The following GRIK2 variants were observed in gnomAD, a reference collection of about 807,000 sequenced individuals.
The protein encoded by GRIK2 is glutamate ionotropic receptor kainate type subunit 2, also known as glutamate receptor ionotropic, kainate 2.
GRIK2 carries 32 observed loss-of-function variants against 100.3 expected under a neutral mutation model. The ratio of observed to expected loss-of-function variants is 0.32; its 90% CI spans 0.24 to 0.43. The LOEUF is 0.43. Ranked by LOEUF, GRIK2 falls within the 20% of genes least tolerant of loss-of-function variation. The pLI is 1.00. For missense variants in GRIK2, 843 were observed against 1,114.9 expected (o/e 0.76, Z 3.47); for synonymous variants, 417 against 389.4 (o/e 1.07, Z -0.83).
chr6:101,525,364 A>G (rs952962701), intron 2 of GRIK2, among the ~76,000 whole-genome samples: 3 of 152,208 alleles, frequency 2.0e-5, no homozygotes, highest in African/African-American at 4.8e-5. Context: ...TAAGACAGCT[A>G]TGTGAGTTAC....
chr6:101,899,174 G>A (rs1239248590), intron 12 of GRIK2, among the ~76,000 whole-genome samples: 1 of 149,862 alleles, frequency 6.7e-6, no homozygotes, highest in African/African-American at 2.4e-5. Context: ...TCTTTGGATA[G>A]AAATATCTTG....
intron 4 of GRIK2, among the ~76,000 whole-genome samples, chr6:101,658,445 G>A (rs572221197): frequency 2.6e-5 from 4 of 152,246 alleles, no homozygotes; most frequent in South Asian, 4.2e-4. Flanking sequence ...TCTTTATCCA[G>A]TCTATCATTG....
chr6:101,991,898 G>C (rs1794396355), intron 14 of GRIK2, among the ~76,000 whole-genome samples: 1 of 151,420 alleles, frequency 6.6e-6, no homozygotes, highest in East Asian at 1.9e-4. Flanking sequence ...ATGTATGACA[G>C]AGTTTTCCTG....
intron 11 of GRIK2, among the ~76,000 whole-genome samples, chr6:101,882,238 T>C (rs1786302198): frequency 6.6e-6 from 1 of 151,978 alleles, no homozygotes; most frequent in Admixed American, 6.6e-5. Context: ...CCAAACCATA[T>C]CAACATTTAT....
chr6:102,021,492 T>C (rs1039612338), intron 14 of GRIK2, among the ~76,000 whole-genome samples: 1 of 151,688 alleles, frequency 6.6e-6, no homozygotes, highest in Non-Finnish European at 1.5e-5. Flanking sequence ...TTATATTTAA[T>C]ACTGTTTTCA....
At chr6:101,754,452 C>T (rs1319805298) in intron 7 of GRIK2, among the ~76,000 whole-genome samples, 1 of 152,134 alleles carries the variant, frequency 6.6e-6, no homozygotes, top group Non-Finnish European at 1.5e-5. Flanking sequence ...TTCTGTCTTA[C>T]GTAGCTGTCT....
chr6:101,654,778 T>A (rs189033232), intron 4 of GRIK2, among the ~76,000 whole-genome samples: 1 of 152,262 alleles, frequency 6.6e-6, no homozygotes, highest in African/African-American at 2.4e-5. Flanking sequence ...CTATGCCAGA[T>A]GTCTACCTGC....
chr6:101,793,044 G>A (rs1453439987), intron 7 of GRIK2, among the ~76,000 whole-genome samples: 1 of 152,094 alleles, frequency 6.6e-6, no homozygotes, highest in Admixed American at 6.5e-5. Context: ...CTCGAGCCTT[G>A]GCTTTCACCT....
chr6:101,513,087 G>A (rs1000645146), intron 2 of GRIK2, among the ~76,000 whole-genome samples: 1 of 151,968 alleles, frequency 6.6e-6, no homozygotes. Context: ...GCAGCCTCCA[G>A]GAAGTCTTGA....
At chr6:102,002,764 T>A (rs1454516489) in intron 14 of GRIK2, among the ~76,000 whole-genome samples, 1 of 150,876 alleles carries the variant, frequency 6.6e-6, no homozygotes, top group Non-Finnish European at 1.5e-5. Flanking sequence ...AAACTCTCAT[T>A]ACAATCCCAC....
At chr6:101,760,425 T>C (rs1484118782) in intron 7 of GRIK2, among the ~76,000 whole-genome samples, 2 of 24,952 alleles carry the variant, frequency 8.0e-5, no homozygotes, top group Non-Finnish European at 1.1e-4. Context: ...TATAATTAAT[T>C]ATATTTAATT....
chr6:101,496,649 C>T (rs1485605269), intron 2 of GRIK2, among the ~76,000 whole-genome samples: 2 of 152,020 alleles, frequency 1.3e-5, no homozygotes, highest in Non-Finnish European at 2.9e-5. Context: ...GAGTAAGCAC[C>T]CATGAAATAT....
chr6:101,473,330 T>C (rs929304986), intron 2 of GRIK2, among the ~76,000 whole-genome samples: 1 of 151,814 alleles, frequency 6.6e-6, no homozygotes. Flanking sequence ...TTAAGAATTT[T>C]AGTAATTTTT....
At chr6:101,484,015 T>A (rs1772680500) in intron 2 of GRIK2, among the ~76,000 whole-genome samples, 1 of 152,242 alleles carries the variant, frequency 6.6e-6, no homozygotes, top group African/African-American at 2.4e-5. Flanking sequence ...TAGACTTTTC[T>A]AAGCATATGG....
At chr6:101,587,426 A>C (rs1778432072) in intron 2 of GRIK2, among the ~76,000 whole-genome samples, 1 of 152,132 alleles carries the variant, frequency 6.6e-6, no homozygotes, top group African/African-American at 2.4e-5. Flanking sequence ...CCATTCATCC[A>C]TCCATCCTTC....
rs1028444719 is a variant in GRIK2 at position 101,891,332 on chromosome 6, A to C, written c.1748+1469A>C. 1.6e-4 allele frequency among the ~76,000 whole-genome samples: 24 copies of C among 151,842 alleles called. No individual in the cohort carries two copies. The East Asian group carries it at 2.0e-3, about 12-fold the overall frequency. On this transcript the variant is annotated intron_variant, in intron 12 of 16. Coordinates refer to ENST00000369134, the MANE Select transcript of GRIK2 (RefSeq NM_021956.5). ...AGGAGATTGAGACCATCCTGGCCAA[A>C]ATGGTGAAACCCCGTCTTTACTAAA...
intron 4 of GRIK2, among the ~76,000 whole-genome samples, chr6:101,673,764 A>G (rs538153270): frequency 6.6e-6 from 1 of 152,106 alleles, no homozygotes; most frequent in African/African-American, 2.4e-5. Context: ...ATTATTTGCC[A>G]GTCTTCATTT....
intron 2 of GRIK2, among the ~76,000 whole-genome samples, chr6:101,567,577 T>C (rs976318755): frequency 3.3e-5 from 5 of 152,020 alleles, no homozygotes; most frequent in Non-Finnish European, 5.9e-5. Flanking sequence ...TTTCATAAAC[T>C]TACTCTCAAG....
At chr6:101,525,366 G>A (rs931799478) in intron 2 of GRIK2, among the ~76,000 whole-genome samples, 4 of 152,168 alleles carry the variant, frequency 2.6e-5, no homozygotes, top group African/African-American at 7.2e-5. Context: ...AGACAGCTAT[G>A]TGAGTTACGG....
Sources: gnomAD v4.1 joint callset for allele counts (sites outside exome capture counted in the v4.1 genomes callset) on GRCh38, gnomAD v4.1.1 for gene constraint, MANE v1.5 for transcripts, NCBI Gene and HGNC (gene_info 2026-07-23, HGNC 2026-07-21) for gene names.